The following LY6G6F variants were observed in gnomAD, a reference collection of about 807,000 sequenced individuals.
LY6G6F encodes lymphocyte antigen 6 complex locus protein G6f.
LY6G6F carries 26 observed loss-of-function variants against 33.0 expected under a neutral mutation model. The observed-to-expected ratio is 0.79, with a 90% CI of 0.58 to 1.09. The LOEUF is 1.09. Among genes scored for constraint, LY6G6F ranks in the 50% least tolerant of loss-of-function variants. The probability of loss-of-function intolerance (pLI) is 0.00; values close to 1 mark genes in which losing one functional copy is unlikely to be tolerated. For synonymous variants in LY6G6F, 132 were observed against 148.1 expected, an observed-to-expected ratio of 0.89 and a Z score of 0.79; for missense variants, 317 against 372.0, an observed-to-expected ratio of 0.85 and a Z score of 1.22.
chr6:31,710,631 G>A lies in LY6G6F; in HGVS notation c.*40G>A, dbSNP rs539837664. 1.6e-5 allele frequency: 26 copies of A among 1,613,536 alleles called. No homozygotes were observed. The highest frequency in any genetic ancestry group is 1.1e-4 in the African/African-American group (8 of 74,972). ...GCTGGGAAGTGTGACCTGCTGTCTC[G>A]CTGGCCATCTGGCACCTGGAAGATT... On this transcript the variant is annotated 3_prime_UTR_variant, in exon 6 of 6. Coordinates refer to ENST00000375832, the MANE Select transcript of LY6G6F (RefSeq NM_001003693.3). This position sits in a 1 kb window ranked among gnomAD's most constrained non-coding sequence, Gnocchi z 4.7.
At chr6:31,709,784 G>A (rs1805887665) in intron 3 of LY6G6F, among the ~76,000 whole-genome samples, 1 of 152,212 alleles carries the variant, frequency 6.6e-6, no homozygotes, top group Non-Finnish European at 1.5e-5. Flanking sequence ...GCTCGCCTTG[G>A]CCTCCTAATG....
rs28383871 is a variant in LY6G6F at position 31,708,926 on chromosome 6, CA to C, written c.646+802del. ...GGGCAACAAGAGCGAAGCTCTATCT[CA>C]AAAAAAAAATTGTATTTTTAGTAGA... On this transcript the variant is annotated intron_variant, in intron 3 of 5. Transcript: ENST00000375832. Among the ~76,000 whole-genome samples the C allele has an allele frequency of 4.3e-3, 642 of 149,874 alleles. 4 individuals are homozygous for C. Among genetic ancestry groups the C allele is most frequent in the African/African-American group, 0.014 (563 of 41,052 alleles).
intron 3 of LY6G6F, among the ~76,000 whole-genome samples, chr6:31,709,493 C>G (rs997307344): frequency 6.6e-6 from 1 of 152,006 alleles, no homozygotes; most frequent in Non-Finnish European, 1.5e-5. Context: ...CTCCTGACCT[C>G]GTGATCTGCC....
rs1805951216 is a variant in LY6G6F at position 31,710,389 on chromosome 6, C to G, written c.840C>G (p.Val280=). The G allele has an allele frequency of 1.9e-6, 3 of 1,614,154 alleles. No individual in the cohort carries two copies. In the East Asian group the frequency reaches 6.7e-5, roughly 36 times the overall value. ...SIPQFKPEIQ[V]YENIHLARLG... ...CTCAGTTCAAACCCGAAATCCAGGT[C>G]TATGAGAACATCCATTTGGCCCGTC... The change falls in exon 5 of 6, where the codon GTC becomes GTG. Residue 280 remains valine (V), a synonymous_variant. Coordinates refer to ENST00000375832, the MANE Select transcript of LY6G6F (RefSeq NM_001003693.3). The surrounding 1 kb of genome is among the most constrained non-coding windows in gnomAD (Gnocchi z 4.7).
Position 31,708,136 on chromosome 6 carries a change from T to G in LY6G6F, c.646+2T>G. The stretch of plus-strand genomic sequence containing the variant: ...AAGGGGTCAGCTTTAGCCTGGCAGG[T>G]AAACTGAGGAAGGAGACGGAAAGGG... On this transcript the variant is annotated splice_donor_variant, in intron 3 of 5. Coordinates refer to ENST00000375832, the MANE Select transcript of LY6G6F (RefSeq NM_001003693.3). LOFTEE classifies it high-confidence loss of function. The G allele has an allele frequency of 2.6e-6, 4 of 1,529,272 alleles. No individual in the cohort carries two copies. The highest frequency in any genetic ancestry group is 3.5e-6 in the Non-Finnish European group (4 of 1,138,028). The allele number at this position is 1,529,272 out of a possible 1,614,324, so 94.7% of individuals were successfully genotyped here. A position where few individuals can be genotyped will look rare whatever the true frequency, so the allele number is the denominator to read the frequency against.
Position 31,710,181 on chromosome 6 carries a change from GGT to G in LY6G6F, c.802+2_802+3del, listed in dbSNP as rs768341633. On this transcript the variant is annotated splice_donor_variant, in intron 4 of 5. Coordinates refer to ENST00000375832, the MANE Select transcript of LY6G6F (RefSeq NM_001003693.3). LOFTEE classifies it high-confidence loss of function. The surrounding 1 kb of genome is among the most constrained non-coding windows in gnomAD (Gnocchi z 4.7). Reference sequence around the variant, plus strand: ...GAGGGTCCGTGGGGCTCCAGGCAGAGGTGAGTCCCTCCCTCCCCGGGGAAAGA... The same window carrying G: ...GAGGGTCCGTGGGGCTCCAGGCAGAGGAGTCCCTCCCTCCCCGGGGAAAGA... The G allele has an allele frequency of 6.2e-7, 1 of 1,610,794 alleles. No homozygotes were observed. The highest frequency in any genetic ancestry group is 8.5e-7 in the Non-Finnish European group (1 of 1,178,356).
rs761060420 is a variant in LY6G6F at position 31,707,736 on chromosome 6, C to A, written c.331C>A (p.Gln111Lys). The change falls in exon 2 of 6, where the codon CAG (glutamine) becomes AAG (lysine). Residue 111 changes from glutamine to lysine, a missense_variant. Transcript: ENST00000375832. This position sits in a 1 kb window ranked among gnomAD's most constrained non-coding sequence, Gnocchi z 4.1. Reference protein sequence around the residue: ...AGRYWCAVLGQHHNYQNWRVY... With the variant: ...AGRYWCAVLGKHHNYQNWRVY... ...GCGGTACTGGTGCGCTGTGCTAGGT[C>A]AGCACCACAACTACCAGAACTGGAG... 4.3e-6 allele frequency: 7 copies of A among 1,614,194 alleles called. No homozygotes were observed. The highest frequency in any genetic ancestry group is 5.9e-6 in the Non-Finnish European group (7 of 1,180,004).
chr6:31,707,760 AG>A lies in LY6G6F; in HGVS notation c.358del (p.Val120CysfsTer38). On this transcript the variant is annotated frameshift_variant, in exon 2 of 6. Transcript: ENST00000375832. LOFTEE classifies it high-confidence loss of function. This position sits in a 1 kb window ranked among gnomAD's most constrained non-coding sequence, Gnocchi z 4.1. ...LGQHHNYQNW[R>X]VYDVLVLKGS... The stretch of plus-strand genomic sequence containing the variant: ...TCAGCACCACAACTACCAGAACTGG[AG>A]GGTGTACGACGTCTTGGTGCTCAAA... The A allele has an allele frequency of 6.2e-7, 1 of 1,614,012 alleles. No individual in the cohort carries two copies. The highest frequency in any genetic ancestry group is 1.3e-5 in the African/African-American group (1 of 75,032).
rs575211648 is a variant in LY6G6F at position 31,710,066 on chromosome 6, G to A, written c.687G>A (p.Thr229=). ...CTCCTGCCCTCTGTGCCCCTTCCACGGGCTGGGACATGCCTTGGATTCTGA... is the reference window on the plus strand; with the variant it reads ...CTCCTGCCCTCTGTGCCCCTTCCACAGGCTGGGACATGCCTTGGATTCTGA... ...DASPALCAPS[T]GWDMPWILML... The change falls in exon 4 of 6, where the codon ACG becomes ACA. Residue 229 remains threonine (T), a synonymous_variant. Coordinates refer to ENST00000375832, the MANE Select transcript of LY6G6F (RefSeq NM_001003693.3). The surrounding 1 kb of genome is among the most constrained non-coding windows in gnomAD (Gnocchi z 4.7). 43 of 1,613,000 alleles carry A rather than the reference G, an allele frequency of 2.7e-5. No homozygotes were observed. In the South Asian group the frequency reaches 3.1e-4, roughly 12 times the overall value.
Position 31,710,404 on chromosome 6 carries a change from T to C in LY6G6F, c.855T>C (p.His285=), listed in dbSNP as rs1360027368. The C allele has an allele frequency of 6.2e-7, 1 of 1,614,132 alleles. No homozygotes were observed. The highest frequency in any genetic ancestry group is 1.1e-5 in the South Asian group (1 of 91,084). Residue 285 remains histidine, a synonymous_variant, in exon 5 of 6, where the codon CAT becomes CAC. Coordinates refer to ENST00000375832, the MANE Select transcript of LY6G6F (RefSeq NM_001003693.3). This position sits in a 1 kb window ranked among gnomAD's most constrained non-coding sequence, Gnocchi z 4.7. ...AAATCCAGGTCTATGAGAACATCCATTTGGCCCGTCTTGGGTGAGGAACAG... is the reference window on the plus strand; with the variant it reads ...AAATCCAGGTCTATGAGAACATCCACTTGGCCCGTCTTGGGTGAGGAACAG... ...KPEIQVYENI[H]LARLGPPAHK... is the part of the protein sequence containing the mutation.
rs771823660 is a variant in LY6G6F at position 31,710,526 on chromosome 6, G to A, written c.870-41G>A. 3.5e-5 allele frequency: 56 copies of A among 1,614,012 alleles called. 1 individual carries two copies. In the South Asian group the frequency reaches 3.5e-4, roughly 10 times the overall value. On this transcript the variant is annotated intron_variant, in intron 5 of 5. Coordinates refer to ENST00000375832, the MANE Select transcript of LY6G6F (RefSeq NM_001003693.3). The surrounding 1 kb of genome is among the most constrained non-coding windows in gnomAD (Gnocchi z 4.7). ...GCCCTCGTTCCTGAGGATGTGAAAAGTAGAGGTATCCTTAATCTGTCTCTC... is the reference window on the plus strand; with the variant it reads ...GCCCTCGTTCCTGAGGATGTGAAAAATAGAGGTATCCTTAATCTGTCTCTC...
Position 31,708,053 on chromosome 6 carries a change from C to T in LY6G6F, c.565C>T (p.Leu189Phe). Residue 189 changes from leucine (L) to phenylalanine (F), a missense_variant, in exon 3 of 6, where the codon CTT (leucine) becomes TTT (phenylalanine). Leu to Phe is a conservative substitution (Grantham distance 22). Transcript: ENST00000375832. ...GCTCTTGGTGTGTCCTGGGGAGGGG[C>T]TTTCTGAGCCCAGGAGCCGAAGACC... ...ALLLVCPGEG[L>F]SEPRSRRPRI... The T allele has an allele frequency of 1.2e-6, 2 of 1,610,964 alleles. No individual in the cohort carries two copies. The highest frequency in any genetic ancestry group is 1.7e-6 in the Non-Finnish European group (2 of 1,179,072).
Position 31,708,106 on chromosome 6 carries a change from C to A in LY6G6F, c.618C>A (p.His206Gln), listed in dbSNP as rs1233985047. The A allele has an allele frequency of 6.3e-7, 1 of 1,582,514 alleles. No individual in the cohort carries two copies. The highest frequency in any genetic ancestry group is 8.6e-7 in the Non-Finnish European group (1 of 1,164,074). ...GAATCATCCGCTGCCTCATGACTCA[C>A]AACAAAGGGGTCAGCTTTAGCCTGG... Reference protein sequence around the residue: ...RPRIIRCLMTHNKGVSFSLAA... With the variant: ...RPRIIRCLMTQNKGVSFSLAA... The change falls in exon 3 of 6, where the codon CAC (histidine) becomes CAA (glutamine). Residue 206 changes from histidine to glutamine, a missense_variant. By Grantham distance (24) the His-to-Gln change is conservative. Transcript: ENST00000375832.
At position 31,707,865 on chromosome 6, in the gene LY6G6F, C is replaced by G. The variant is rs771344788; in HGVS notation, c.383-6C>G. On this transcript the variant is annotated splice_region_variant and splice_polypyrimidine_tract_variant and intron_variant, in intron 2 of 5. Transcript: ENST00000375832. The surrounding 1 kb of genome is among the most constrained non-coding windows in gnomAD (Gnocchi z 4.1). Reference sequence around the variant, plus strand: ...AAGAACTGAGGAATCCCTCTCTCCCCTACAGGATCCCAGTTATCTGCAAGG... The same window carrying G: ...AAGAACTGAGGAATCCCTCTCTCCCGTACAGGATCCCAGTTATCTGCAAGG... 2.5e-6 allele frequency: 4 copies of G among 1,612,320 alleles called. No homozygotes were observed. The South Asian group carries it at 4.4e-5, about 18-fold the overall frequency.
At position 31,707,329 on chromosome 6, in the gene LY6G6F, G is replaced by C; in HGVS notation, c.53-129G>C. 2.6e-6 allele frequency: 2 copies of C among 767,052 alleles called. No homozygotes were observed. The highest frequency in any genetic ancestry group is 4.2e-6 in the Non-Finnish European group (2 of 471,322). 47.5% of individuals were successfully genotyped at this position (767,052 alleles called of 1,614,324 possible). On this transcript the variant is annotated intron_variant, in intron 1 of 5. Transcript: ENST00000375832. The surrounding 1 kb of genome is among the most constrained non-coding windows in gnomAD (Gnocchi z 4.1). ...TGTCTTATTTTTGTAGCTGTCACTT[G>C]AGAAATGTGGTCACCAGCCAGGCCT...
Position 31,707,537 on chromosome 6 carries a change from C to T in LY6G6F, c.132C>T (p.Asp44=), listed in dbSNP as rs145126055. ...CCTCACCACCTACTCTACATGGGGA[C>T]GAACACCTGTCATGGTTCTGCAGCC... is the stretch of plus-strand genomic sequence containing the variant. ...PCPSPPTLHG[D]EHLSWFCSPA... is the part of the protein sequence containing the mutation. The change falls in exon 2 of 6, where the codon GAC becomes GAT. Residue 44 remains aspartate (D), a synonymous_variant. Coordinates refer to ENST00000375832, the MANE Select transcript of LY6G6F (RefSeq NM_001003693.3). The surrounding 1 kb of genome is among the most constrained non-coding windows in gnomAD (Gnocchi z 4.1). 9.3e-6 allele frequency: 15 copies of T among 1,614,014 alleles called. No homozygotes were observed. Among genetic ancestry groups the T allele is most frequent in the Admixed American group, 6.7e-5 (4 of 59,996 alleles).
chr6:31,710,661 G>C lies in LY6G6F; in HGVS notation c.*70G>C, dbSNP rs764727567. 1 of 1,598,048 alleles carries C rather than the reference G, an allele frequency of 6.3e-7. No individual in the cohort carries two copies. Among genetic ancestry groups the C allele is most frequent in the African/African-American group, 1.3e-5 (1 of 74,654 alleles). ...CCATCTGGCACCTGGAAGATTCCTCGACAACCTTAGCAAGGGGGGCGGGAC... is the reference window on the plus strand; with the variant it reads ...CCATCTGGCACCTGGAAGATTCCTCCACAACCTTAGCAAGGGGGGCGGGAC... On this transcript the variant is annotated 3_prime_UTR_variant, in exon 6 of 6. Transcript: ENST00000375832. This position sits in a 1 kb window ranked among gnomAD's most constrained non-coding sequence, Gnocchi z 4.7.
intron 3 of LY6G6F, among the ~76,000 whole-genome samples, chr6:31,708,485 C>A (rs1204602728): frequency 6.6e-6 from 1 of 152,110 alleles, no homozygotes; most frequent in Non-Finnish European, 1.5e-5. Context: ...TCACATCTGG[C>A]TATTTTTTCT....
Position 31,710,272 on chromosome 6 carries a change from C to G in LY6G6F, c.803-80C>G. Reference sequence around the variant, plus strand: ...ACCCCGCCTCTGTACCCCACCTCCTCTAGGGGAGGGGGCGAGGAACACGGC... The same window carrying G: ...ACCCCGCCTCTGTACCCCACCTCCTGTAGGGGAGGGGGCGAGGAACACGGC... On this transcript the variant is annotated intron_variant, in intron 4 of 5. Transcript: ENST00000375832. The surrounding 1 kb of genome is among the most constrained non-coding windows in gnomAD (Gnocchi z 4.7). 6.2e-7 allele frequency: 1 copy of G among 1,612,760 alleles called. No homozygotes were observed. Among genetic ancestry groups the G allele is most frequent in the East Asian group, 2.2e-5 (1 of 44,848 alleles).
Sources: allele counts gnomAD v4.1 joint callset (sites outside exome capture counted in the v4.1 genomes callset), GRCh38; gene constraint gnomAD v4.1.1; non-coding constraint Gnocchi (gnomAD v3.1); transcripts MANE v1.5; gene names NCBI Gene and HGNC (gene_info 2026-07-23, HGNC 2026-07-21).